SLC44A5: variants seen among roughly 807,000 people sequenced by gnomAD.
The protein encoded by SLC44A5 is solute carrier family 44 member 5.
A neutral mutation model predicts 101.8 loss-of-function variants in SLC44A5; 57 were observed. That is an observed-to-expected ratio of 0.56 (90% confidence interval 0.45 to 0.70). The LOEUF is 0.70. Among genes scored for constraint, SLC44A5 ranks in the 30% least tolerant of loss-of-function variants. The pLI is 0.00. For missense variants in SLC44A5, 737 were observed against 853.1 expected (o/e 0.86, Z 1.70); for synonymous variants, 281 against 290.9 (o/e 0.97, Z 0.35).
At chr1:75,241,134 A>G (rs1394083385) in intron 9 of SLC44A5, among the ~76,000 whole-genome samples, 1 of 151,954 alleles carries the variant, frequency 6.6e-6, no homozygotes, top group Non-Finnish European at 1.5e-5. Context: ...GACACTTTAA[A>G]TGTGATGGAC....
At chr1:75,515,527 T>C (rs1340145021) in intron 2 of SLC44A5, among the ~76,000 whole-genome samples, 1 of 152,250 alleles carries the variant, frequency 6.6e-6, no homozygotes, top group Non-Finnish European at 1.5e-5. Flanking sequence ...GAATGTGAGA[T>C]ATTTTTCTTT....
intron 2 of SLC44A5, among the ~76,000 whole-genome samples, chr1:75,512,125 C>G (rs188969839): frequency 2.0e-5 from 3 of 152,038 alleles, no homozygotes; most frequent in African/African-American, 7.2e-5. Context: ...AAAATAAAAG[C>G]GTTGAGATAC....
At chr1:75,264,765 T>A in intron 6 of SLC44A5, among the ~76,000 whole-genome samples, 1 of 150,026 alleles carries the variant, frequency 6.7e-6, no homozygotes, top group African/African-American at 2.5e-5. Context: ...TTAGTAGAAG[T>A]AAATAAATAA....
At chr1:75,658,569 C>A in the SLC44A5 span, among the ~76,000 whole-genome samples, 1 of 152,058 alleles carries the variant, frequency 6.6e-6, no homozygotes, top group African/African-American at 2.4e-5. Context: ...TACAACATTT[C>A]TTGAGACAAA....
chr1:75,445,539 ATATAC>A (rs1665517407), intron 2 of SLC44A5, among the ~76,000 whole-genome samples: 2 of 148,274 alleles, frequency 1.3e-5, no homozygotes, highest in Admixed American at 6.8e-5. Flanking sequence ...ATTACGTAAT[ATATAC>A]ATATATATGT....
chr1:75,571,388 A>G lies in SLC44A5; in HGVS notation c.-69-29872T>C, dbSNP rs536817305. 1.4e-4 allele frequency among the ~76,000 whole-genome samples: 22 copies of G among 152,302 alleles called. No individual in the cohort carries two copies. The South Asian group carries it at 4.6e-3, about 32-fold the overall frequency. On this transcript the variant is annotated intron_variant, in intron 1 of 23. Transcript: ENST00000370859. ...TGACTAATAAATATTGAGAAAGTAC[A>G]TAGAGGGGAGATGATTAGCAAAAAA... is the stretch of plus-strand genomic sequence containing the variant.
rs80115505 is a variant in SLC44A5, at chr1:75,494,494, A to G, written c.13+46941T>C. On this transcript the variant is annotated intron_variant, in intron 2 of 23. Coordinates refer to ENST00000370859, the MANE Select transcript of SLC44A5 (RefSeq NM_001130058.2). Reference sequence around the variant, plus strand: ...GTCACTGGCTCCTGGAGCTGATGAGACAGGCAATCACTAATGCCCTGGGAA... The same window carrying G: ...GTCACTGGCTCCTGGAGCTGATGAGGCAGGCAATCACTAATGCCCTGGGAA... Among the ~76,000 whole-genome samples the G allele has an allele frequency of 5.8e-3, 879 of 152,232 alleles. 4 individuals carry two copies. The highest frequency in any genetic ancestry group is 0.02 in the African/African-American group (843 of 41,532).
chr1:75,594,279 GAT>G (rs551828106), intron 1 of SLC44A5, among the ~76,000 whole-genome samples: 288 of 151,946 alleles, frequency 1.9e-3, no homozygotes, highest in African/African-American at 6.7e-3. Flanking sequence ...CATAAATGGA[GAT>G]ATATCAGCTT....
chr1:75,445,251 T>C (rs991658521), intron 2 of SLC44A5, among the ~76,000 whole-genome samples: 3 of 152,054 alleles, frequency 2.0e-5, no homozygotes, highest in African/African-American at 7.2e-5. Context: ...TTAACATGCC[T>C]GGTATCTCTC....
chr1:75,692,491 G>A, the SLC44A5 span, among the ~76,000 whole-genome samples: 16 of 152,120 alleles, frequency 1.1e-4, no homozygotes, highest in African/African-American at 2.9e-4. Flanking sequence ...CACCGCAGCC[G>A]GCCCGAGGAT....
intron 4 of SLC44A5, among the ~76,000 whole-genome samples, chr1:75,327,791 G>C (rs1004674652): frequency 1.3e-5 from 2 of 152,172 alleles, no homozygotes; most frequent in African/African-American, 4.8e-5. Flanking sequence ...AAATGACCTT[G>C]GTATGGAAAT....
chr1:75,467,707 A>C (rs561423856), intron 2 of SLC44A5, among the ~76,000 whole-genome samples: 53 of 152,342 alleles, frequency 3.5e-4, no homozygotes, highest in African/African-American at 1.3e-3. Context: ...GTGTAAATCT[A>C]AGACTTCAAT....
chr1:75,253,039 G>A (rs1477249020), intron 6 of SLC44A5, among the ~76,000 whole-genome samples: 1 of 152,166 alleles, frequency 6.6e-6, no homozygotes, highest in Non-Finnish European at 1.5e-5. Flanking sequence ...GAGTGTTGAT[G>A]GCTGGTCAGT....
chr1:75,225,146 A>G (rs1173949853), intron 13 of SLC44A5, among the ~76,000 whole-genome samples: 1 of 152,158 alleles, frequency 6.6e-6, no homozygotes, highest in Non-Finnish European at 1.5e-5. Context: ...TACCATTTTA[A>G]AAAATCTTTT....
At chr1:75,493,280 G>C (rs1050258574) in intron 2 of SLC44A5, among the ~76,000 whole-genome samples, 3 of 152,252 alleles carry the variant, frequency 2.0e-5, no homozygotes, top group Admixed American at 6.5e-5. Flanking sequence ...GCCTTTGGTT[G>C]CGTCTGATGA....
At chr1:75,507,513 T>C (rs748084518) in intron 2 of SLC44A5, among the ~76,000 whole-genome samples, 1 of 152,204 alleles carries the variant, frequency 6.6e-6, no homozygotes, top group African/African-American at 2.4e-5. Context: ...GTGGTTTTAT[T>C]TTTTCATTGT....
chr1:75,654,331 T>C, the SLC44A5 span, among the ~76,000 whole-genome samples: 3 of 152,198 alleles, frequency 2.0e-5, no homozygotes, highest in African/African-American at 7.2e-5. Context: ...TTACTTTAAA[T>C]TAAAATTGTT....
At chr1:75,678,113 C>T in the SLC44A5 span, among the ~76,000 whole-genome samples, 2 of 152,274 alleles carry the variant, frequency 1.3e-5, no homozygotes, top group East Asian at 3.9e-4. Flanking sequence ...GAGGGTCCTA[C>T]CCCACGGAGT....
At chr1:75,393,607 G>C (rs762626436) in intron 3 of SLC44A5, among the ~76,000 whole-genome samples, 1 of 152,136 alleles carries the variant, frequency 6.6e-6, no homozygotes, top group Non-Finnish European at 1.5e-5. Context: ...CTATAAATTA[G>C]ATAAAATGTG....
Sources: allele counts gnomAD v4.1 joint callset (sites outside exome capture counted in the v4.1 genomes callset), GRCh38; gene constraint gnomAD v4.1.1; transcripts MANE v1.5; gene names NCBI Gene and HGNC (gene_info 2026-07-23, HGNC 2026-07-21).